The following DPP10 variants were observed in gnomAD, a reference collection of about 807,000 sequenced individuals.
The protein encoded by DPP10 is inactive dipeptidyl peptidase 10.
Under a neutral mutation model 120.9 loss-of-function variants are expected in DPP10, and 33 were observed. The observed-to-expected ratio is 0.27, with a 90% CI of 0.21 to 0.37. The LOEUF (loss-of-function observed/expected upper bound fraction) is 0.37. Ranked by LOEUF, DPP10 falls within the 10% of genes least tolerant of loss-of-function variation. The pLI, the probability that DPP10 is intolerant of heterozygous loss-of-function variation, is 1.00. For synonymous variants in DPP10, 337 were observed against 326.1 expected (o/e 1.03, Z -0.36); for missense variants, 816 against 942.8 (o/e 0.87, Z 1.76).
intron 1 of DPP10, among the ~76,000 whole-genome samples, chr2:115,051,422 T>C (rs1198729428): frequency 1.3e-5 from 2 of 151,350 alleles, no homozygotes; most frequent in African/African-American, 4.9e-5. Context: ...CCATAATAAA[T>C]AAAAACAGTT....
At chr2:115,425,227 G>A (rs189093228) in intron 3 of DPP10, among the ~76,000 whole-genome samples, 409 of 152,240 alleles carry the variant, frequency 2.7e-3, no homozygotes, top group African/African-American at 9.4e-3. Flanking sequence ...TGCATGAGGT[G>A]GCAAGGGGTA....
At chr2:115,564,593 G>A (rs1288533844) in intron 5 of DPP10, among the ~76,000 whole-genome samples, 1 of 152,002 alleles carries the variant, frequency 6.6e-6, no homozygotes, top group Admixed American at 6.6e-5. Flanking sequence ...TAATATTCTT[G>A]AAACTTTTTG....
At chr2:114,967,142 A>C (rs1399117682) in intron 1 of DPP10, among the ~76,000 whole-genome samples, 1 of 152,166 alleles carries the variant, frequency 6.6e-6, no homozygotes, top group Non-Finnish European at 1.5e-5. Context: ...AGAGAAGCAA[A>C]ATTAATAATA....
At chr2:114,826,580 G>T (rs766466559) in intron 1 of DPP10, among the ~76,000 whole-genome samples, 7 of 152,172 alleles carry the variant, frequency 4.6e-5, no homozygotes, top group African/African-American at 1.4e-4. Flanking sequence ...ACCCAGGCTA[G>T]CGTGCAATGT....
chr2:114,674,695 C>T (rs558823733), intron 1 of DPP10, among the ~76,000 whole-genome samples: 11 of 152,116 alleles, frequency 7.2e-5, no homozygotes, highest in South Asian at 6.2e-4. Flanking sequence ...GGACTAGATG[C>T]GCTATTGAGA....
At chr2:115,062,660 G>T (rs889297739) in intron 1 of DPP10, among the ~76,000 whole-genome samples, 5 of 152,144 alleles carry the variant, frequency 3.3e-5, no homozygotes, top group African/African-American at 1.2e-4. Flanking sequence ...CTGTTCCTGT[G>T]CTAGTTTGCT....
At chr2:115,572,968 A>C (rs1393779080) in intron 5 of DPP10, among the ~76,000 whole-genome samples, 1 of 152,196 alleles carries the variant, frequency 6.6e-6, no homozygotes, top group African/African-American at 2.4e-5. Context: ...CAGAAGATAC[A>C]CTGCTTATTG....
chr2:114,587,451 A>C (rs1443145497), intron 1 of DPP10, among the ~76,000 whole-genome samples: 1 of 151,960 alleles, frequency 6.6e-6, no homozygotes, highest in Non-Finnish European at 1.5e-5. Context: ...TTTTCATAGA[A>C]TAGGATCTAC....
chr2:115,493,760 A>T (rs748570675), intron 3 of DPP10, among the ~76,000 whole-genome samples: 20 of 152,070 alleles, frequency 1.3e-4, no homozygotes, highest in Non-Finnish European at 2.4e-4. Context: ...CAGGTCAGTG[A>T]TGATGCTGGA....
intron 5 of DPP10, among the ~76,000 whole-genome samples, chr2:115,661,445 G>T (rs1001322141): frequency 2.0e-5 from 3 of 152,206 alleles, no homozygotes; most frequent in Non-Finnish European, 4.4e-5. Context: ...GCTCCCTGCA[G>T]TGCTTCTAAG....
chr2:115,372,423 G>C (rs1212210361), intron 3 of DPP10, among the ~76,000 whole-genome samples: 2 of 152,080 alleles, frequency 1.3e-5, no homozygotes, highest in African/African-American at 4.8e-5. Context: ...GTCTCTGCAG[G>C]TTTCATAGAA....
At chr2:115,468,573 T>A (rs984873359) in intron 3 of DPP10, 8 of 405,722 alleles carry the variant, frequency 2.0e-5, no homozygotes, top group African/African-American at 6.2e-5. Flanking sequence ...GCTAATGTGG[T>A]TGATGGTGGC....
At chr2:115,480,132 A>T (rs986755002) in intron 3 of DPP10, among the ~76,000 whole-genome samples, 4 of 152,032 alleles carry the variant, frequency 2.6e-5, no homozygotes, top group Non-Finnish European at 2.9e-5. Context: ...TTTCACTTCC[A>T]AATTGTATTT....
At chr2:115,763,894 C>T (rs1217888547) in intron 12 of DPP10, among the ~76,000 whole-genome samples, 1 of 152,126 alleles carries the variant, frequency 6.6e-6, no homozygotes, top group South Asian at 2.1e-4. Context: ...TCTGTTTTCT[C>T]CAGTCTAGCT....
chr2:114,779,909 G>A (rs1056220340), intron 1 of DPP10, among the ~76,000 whole-genome samples: 4 of 152,114 alleles, frequency 2.6e-5, no homozygotes, highest in African/African-American at 7.2e-5. Context: ...GGCCAAGGCG[G>A]GCGGATCACG....
intron 5 of DPP10, among the ~76,000 whole-genome samples, chr2:115,645,521 A>C (rs915140326): frequency 5.3e-5 from 8 of 152,096 alleles, no homozygotes; most frequent in Admixed American, 5.2e-4. Flanking sequence ...TGAATCCTTC[A>C]TTTTTCCCAT....
At chr2:114,810,049 A>G (rs902145002) in intron 1 of DPP10, among the ~76,000 whole-genome samples, 4 of 152,124 alleles carry the variant, frequency 2.6e-5, no homozygotes, top group South Asian at 2.1e-4. Flanking sequence ...TGAGATTTTG[A>G]CGGTTCATAC....
intron 3 of DPP10, among the ~76,000 whole-genome samples, chr2:115,378,886 A>G (rs2066040355): frequency 6.6e-6 from 1 of 152,198 alleles, no homozygotes; most frequent in African/African-American, 2.4e-5. Context: ...CCAGCCTTGC[A>G]TCCCAGGGAT....
intron 3 of DPP10, among the ~76,000 whole-genome samples, chr2:115,465,761 G>T (rs1386314429): frequency 6.6e-6 from 1 of 152,176 alleles, no homozygotes; most frequent in East Asian, 1.9e-4. Context: ...GGCAGAGGTT[G>T]CAGTGAGCCA....
Sources: gnomAD v4.1 joint callset for allele counts (sites outside exome capture counted in the v4.1 genomes callset) on GRCh38, gnomAD v4.1.1 for gene constraint, MANE v1.5 for transcripts, NCBI Gene and HGNC (gene_info 2026-07-23, HGNC 2026-07-21) for gene names.